COL1A2: variants seen among roughly 807,000 people sequenced by gnomAD.
The protein encoded by COL1A2 is collagen type I alpha 2 chain.
COL1A2 carries 49 observed loss-of-function variants against 174.3 expected under a neutral mutation model. The ratio of observed to expected loss-of-function variants is 0.28; its 90% CI spans 0.22 to 0.36. COL1A2 has a LOEUF of 0.36. COL1A2 is among the 10% of genes least tolerant of loss of function. The probability of loss-of-function intolerance (pLI) is 1.00; values close to 1 mark genes in which losing one functional copy is unlikely to be tolerated. For synonymous variants in COL1A2, 655 were observed against 606.6 expected (o/e 1.08, Z -1.17); for missense variants, 1,438 against 1,822.7 (o/e 0.79, Z 3.84).
In COL1A2 at chr7:94,395,045, TG is replaced by T; in HGVS notation, c.16del (p.Asp6IlefsTer10). 6.2e-7 allele frequency: 1 copy of T among 1,613,928 alleles called. No individual in the cohort carries two copies. The highest frequency in any genetic ancestry group is 8.5e-7 in the Non-Finnish European group (1 of 1,180,008). On this transcript the variant is annotated frameshift_variant, in exon 1 of 52. Transcript: ENST00000297268. LOFTEE classifies it high-confidence loss of function. MLSF[V>X]DTRTLLLLAV... is the part of the protein sequence containing the mutation. ...TAAGTGCTAGACATGCTCAGCTTTGTGGATACGCGGACTTTGTTGCTGCTTG... is the reference window on the plus strand; with the variant it reads ...TAAGTGCTAGACATGCTCAGCTTTGTGATACGCGGACTTTGTTGCTGCTTG...
In COL1A2 at chr7:94,424,403, C is replaced by T. The variant is rs773819922; in HGVS notation, c.2633C>T (p.Ser878Leu). The T allele has an allele frequency of 9.2e-5, 148 of 1,613,946 alleles. 1 individual carries two copies. The South Asian group carries it at 1.5e-3, about 16-fold the overall frequency. ...CCTGGTATTCTGGGTCTCCCTGGCT[C>T]GAGAGGTGAACGTGGTCTACCAGGT... ...GAPGILGLPG[S>L]RGERGLPGVA... The change falls in exon 41 of 52, where the codon TCG (serine) becomes TTG (leucine). Residue 878 changes from serine to leucine, a missense_variant. Ser to Leu is a moderately radical substitution (Grantham distance 145). Transcript: ENST00000297268.
rs1446503991 is a variant in COL1A2 at position 94,411,022 on chromosome 7, CTCCTCTATCTGTTTTTTTTTTTTTTTTG to C, written c.1252-33_1252-6del. 1 of 1,602,674 alleles carries C rather than the reference CTCCTCTATCTGTTTTTTTTTTTTTTTTG, an allele frequency of 6.2e-7. No individual in the cohort carries two copies. Among genetic ancestry groups the C allele is most frequent in the East Asian group, 2.2e-5 (1 of 44,776 alleles). On this transcript the variant is annotated splice_polypyrimidine_tract_variant and splice_region_variant and intron_variant, in intron 22 of 51. Transcript: ENST00000297268. ...GTGTGTCATTAGCTTTAGCATCCTC[CTCCTCTATCTGTTTTTTTTTTTTTTTTG>C]AATAGGGCCCTCCTGGTAGTCGTGG...
Position 94,427,739 on chromosome 7 carries a change from C to T in COL1A2, c.3380C>T (p.Ser1127Phe), listed in dbSNP as rs137897282. The change falls in exon 49 of 52, where the codon TCT (serine) becomes TTT (phenylalanine). Residue 1127 changes from serine to phenylalanine, a missense_variant. Physicochemically the swap from Ser to Phe is radical, Grantham distance 155 (BLOSUM62 -2). This residue lies in a region of COL1A2 where 290 missense variants were observed against 298.1 expected (regional missense o/e 0.97). Coordinates refer to ENST00000297268, the MANE Select transcript of COL1A2 (RefSeq NM_000089.4). ...YRADQPRSAP[S>F]LRPKDYEVDA... ...GCTGACCAGCCTCGCTCAGCACCTT[C>T]TCTCAGACCCAAGGACTATGAAGTT... 1.2e-6 allele frequency: 2 copies of T among 1,614,058 alleles called. No individual in the cohort carries two copies. The highest frequency in any genetic ancestry group is 2.7e-5 in the African/African-American group (2 of 74,898).
At chr7:94,407,582 A>T (rs553976410) in intron 12 of COL1A2, among the ~76,000 whole-genome samples, 2 of 152,306 alleles carry the variant, frequency 1.3e-5, no homozygotes, top group African/African-American at 4.8e-5. Flanking sequence ...TGATATCCTG[A>T]ATCTAAGGGA....
At chr7:94,419,423 A>G in intron 33 of COL1A2, 75 bp from the exon 34 acceptor site, 1 of 1,527,748 alleles carries the variant, frequency 6.5e-7, no homozygotes, top group Non-Finnish European at 9.1e-7. Flanking sequence ...ATAAGCACAG[A>G]AAAAAAGAAT....
intron 3 of COL1A2, 74 bp downstream of exon 3, chr7:94,398,470 A>G: frequency 6.3e-6 from 4 of 631,874 alleles, no homozygotes; most frequent in Admixed American, 6.7e-5. Context: ...TTTATAGTAG[A>G]CTATAGAAGG....
At chr7:94,429,744 C>A (rs1792361695) in intron 51 of COL1A2, 1 of 295,628 alleles carries the variant, frequency 3.4e-6, no homozygotes. Flanking sequence ...TAATGTGTGC[C>A]CAGAACTTAA....
chr7:94,421,984 TA>T, intron 39 of COL1A2, 32 bp downstream of exon 39: 1 of 1,602,236 alleles, frequency 6.2e-7, no homozygotes, highest in Non-Finnish European at 8.5e-7. Flanking sequence ...TGTCTTCATT[TA>T]CTCTAGCCAA....
At chr7:94,412,478 T>C in intron 24 of COL1A2, 106 bp from the exon 25 acceptor site, 4 of 850,280 alleles carry the variant, frequency 4.7e-6, no homozygotes, top group Non-Finnish European at 7.8e-6. Context: ...TACAAGAAGC[T>C]CTATGCATTC....
intron 31 of COL1A2, 129 bp downstream of exon 31, chr7:94,416,632 C>G: frequency 2.8e-6 from 2 of 721,088 alleles, no homozygotes; most frequent in South Asian, 3.2e-5. Context: ...ACTTCCCTCT[C>G]AGTAAACAGC....
intron 9 of COL1A2, 112 bp downstream of exon 9, chr7:94,405,004 A>G: frequency 7.9e-7 from 1 of 1,265,884 alleles, no homozygotes; most frequent in Non-Finnish European, 1.1e-6. Flanking sequence ...TGCCTGACAG[A>G]ACTCTTAATG....
intron 5 of COL1A2, among the ~76,000 whole-genome samples, 166 bp from the exon 6 acceptor site, chr7:94,401,401 A>G (rs1427691377): frequency 1.3e-5 from 2 of 152,180 alleles, no homozygotes; most frequent in Non-Finnish European, 2.9e-5. Context: ...CTTTTTAGGA[A>G]TTTAGTTCAA....
intron 40 of COL1A2, chr7:94,424,037 C>T: frequency 3.4e-5 from 12 of 350,234 alleles, no homozygotes; most frequent in Middle Eastern, 8.8e-4. Flanking sequence ...TATTTGTTTC[C>T]CTGCCTAGAG....
At chr7:94,410,181 G>GTC (rs1791890280) in intron 19 of COL1A2, 61 bp from the exon 20 acceptor site, 1 of 1,539,396 alleles carries the variant, frequency 6.5e-7, no homozygotes, top group Non-Finnish European at 9.0e-7. Flanking sequence ...TAAGAGATTT[G>GTC]TCTGCAAGAG....
At chr7:94,410,129 T>C (rs1261524470) in intron 19 of COL1A2, 113 bp from the exon 20 acceptor site, 85 of 1,066,212 alleles carry the variant, frequency 8.0e-5, no homozygotes, top group Non-Finnish European at 2.9e-6. Flanking sequence ...GTACATTTCC[T>C]AGAGAACTTG....
At chr7:94,419,676 T>C in intron 34 of COL1A2, 125 bp downstream of exon 34, 1 of 1,032,508 alleles carries the variant, frequency 9.7e-7, no homozygotes, top group Middle Eastern at 2.0e-4. Flanking sequence ...AAAACCTAGC[T>C]ATTGTGATAG....
intron 34 of COL1A2, among the ~76,000 whole-genome samples, 169 bp downstream of exon 34, chr7:94,419,720 T>A (rs1031822550): frequency 6.6e-6 from 1 of 152,228 alleles, no homozygotes; most frequent in South Asian, 2.1e-4. Flanking sequence ...TGTTTAAAAT[T>A]ACTTTTCCCT....
rs139122565 is a variant in COL1A2 at position 94,407,343 on chromosome 7, C to CACTACTACTACTACT, written c.595-498_595-484dup. On this transcript the variant is annotated intron_variant, in intron 12 of 51. Coordinates refer to ENST00000297268, the MANE Select transcript of COL1A2 (RefSeq NM_000089.4). Reference sequence around the variant, plus strand: ...TTACATGTGCCATAGTATTAAATCCCACTACTACTACTACTACTACCCTGG... The same window carrying CACTACTACTACTACT: ...TTACATGTGCCATAGTATTAAATCCCACTACTACTACTACTACTACTACTACTACTACTACCCTGG... Among the ~76,000 whole-genome samples, 340 of 149,364 alleles carry CACTACTACTACTACT rather than the reference C, an allele frequency of 2.3e-3. 1 individual carries two copies. The highest frequency in any genetic ancestry group is 7.1e-3 in the African/African-American group (278 of 39,394).
rs770271259 is a variant in COL1A2 at position 94,420,397 on chromosome 7, C to T, written c.2140C>T (p.Arg714Cys). Residue 714 changes from arginine to cysteine, a missense_variant, in exon 36 of 52, where the codon CGT (arginine) becomes TGT (cysteine). By Grantham distance (180) the Arg-to-Cys change is radical (BLOSUM62 -3). Around this residue, in one of 3 missense-constraint regions of COL1A2, gnomAD observed 867 missense variants for 1,213.7 expected, o/e 0.71. Coordinates refer to ENST00000297268, the MANE Select transcript of COL1A2 (RefSeq NM_000089.4). ...AATCCCTTCTCCCACCTAGGGTGAACGTGGTGAGGTCGGTCCTGCTGGCCC... is the reference window on the plus strand; with the variant it reads ...AATCCCTTCTCCCACCTAGGGTGAATGTGGTGAGGTCGGTCCTGCTGGCCC... ...PAGPRGSPGE[R>C]GEVGPAGPNG... 6.8e-6 allele frequency: 11 copies of T among 1,614,126 alleles called. No homozygotes were observed. In the South Asian group the frequency reaches 8.8e-5, roughly 13 times the overall value.
Sources: gnomAD v4.1 joint callset for allele counts (sites outside exome capture counted in the v4.1 genomes callset) on GRCh38, gnomAD v4.1.1 for gene constraint, gnomAD v4.1.1 regional missense constraint, MANE v1.5 for transcripts, NCBI Gene and HGNC (gene_info 2026-07-23, HGNC 2026-07-21) for gene names.